Variants in ANKRD10 observed in about 807,000 individuals in gnomAD.
ANKRD10 encodes ankyrin repeat domain-containing protein 10.
ANKRD10 carries 14 observed loss-of-function variants against 27.0 expected under a neutral mutation model. The ratio of observed to expected loss-of-function variants is 0.52; its 90% CI spans 0.34 to 0.81. The LOEUF (loss-of-function observed/expected upper bound fraction) is 0.81, where lower values mean the gene tolerates loss of function less well. ANKRD10 is among the 40% of genes least tolerant of loss of function. ANKRD10 has a pLI of 0.01. For missense variants in ANKRD10, 493 were observed against 544.0 expected, an observed-to-expected ratio of 0.91 and a Z score of 0.93; for synonymous variants, 250 against 224.5, an observed-to-expected ratio of 1.11 and a Z score of -1.01.
chr13:110,892,436 A>AAAAAAAAAAAAAAAAAAC (rs1555321016), intron 4 of ANKRD10, among the ~76,000 whole-genome samples: 1 of 144,470 alleles, frequency 6.9e-6, no homozygotes, highest in East Asian at 2.0e-4. Flanking sequence ...AAAAAAAAAA[A>AAAAAAAAAAAAAAAAAAC]TGGTGGGAGA....
At chr13:110,891,455 A>C (rs2065070386) in intron 4 of ANKRD10, among the ~76,000 whole-genome samples, 1 of 152,238 alleles carries the variant, frequency 6.6e-6, no homozygotes, top group Non-Finnish European at 1.5e-5. Flanking sequence ...TTAACTCATA[A>C]AAATCTTGAA....
intron 1 of ANKRD10, among the ~76,000 whole-genome samples, chr13:110,913,381 TTTG>T: frequency 6.6e-6 from 1 of 152,306 alleles, no homozygotes. Flanking sequence ...ATTACTTTTG[TTTG>T]TTAAGAAACT....
intron 4 of ANKRD10, among the ~76,000 whole-genome samples, chr13:110,885,234 G>A (rs1008838076): frequency 2.6e-5 from 4 of 152,054 alleles, no homozygotes; most frequent in African/African-American, 9.7e-5. Context: ...TGTGTAAGCA[G>A]GGCATCTTTT....
intron 5 of ANKRD10, 56 bp downstream of exon 5, chr13:110,883,642 G>T (rs1351293358): frequency 1.9e-6 from 3 of 1,601,254 alleles, no homozygotes; most frequent in Non-Finnish European, 1.7e-6. Flanking sequence ...CCTGCTGTTT[G>T]GTGTCTTCAA....
At chr13:110,904,339 G>A (rs1001855478) in intron 3 of ANKRD10, 5 of 151,966 alleles carry the variant, frequency 3.3e-5, no homozygotes, top group African/African-American at 1.2e-4. Context: ...GACACTTGAG[G>A]GCCCTGTAAC....
At position 110,914,827 on chromosome 13, in the gene ANKRD10, G is replaced by T; in HGVS notation, c.108C>A (p.Ala36=). 2 of 1,586,084 alleles carry T rather than the reference G, an allele frequency of 1.3e-6. No homozygotes were observed. The highest frequency in any genetic ancestry group is 1.8e-4 in the Middle Eastern group (1 of 5,672). ...LHRACRDGDL[A]TLCSLLQQTP... Reference sequence around the variant, plus strand: ...TCTGCTGCAGCAGCGAGCAGAGCGTGGCCAGGTCCCCGTCGCGGCAGGCGC... The same window carrying T: ...TCTGCTGCAGCAGCGAGCAGAGCGTTGCCAGGTCCCCGTCGCGGCAGGCGC... Residue 36 remains alanine, a synonymous_variant, in exon 1 of 6, where the codon GCC becomes GCA. Coordinates refer to ENST00000267339, the MANE Select transcript of ANKRD10 (RefSeq NM_017664.4).
chr13:110,904,807 A>G (rs1043018674), intron 3 of ANKRD10, among the ~76,000 whole-genome samples: 7 of 152,246 alleles, frequency 4.6e-5, no homozygotes, highest in African/African-American at 1.7e-4. Flanking sequence ...AACAGAGGCC[A>G]TGTTTATAAT....
At chr13:110,895,803 C>T (rs182691751) in intron 3 of ANKRD10, among the ~76,000 whole-genome samples, 34 of 152,202 alleles carry the variant, frequency 2.2e-4, no homozygotes, top group Admixed American at 2.1e-3. Flanking sequence ...CAAAATAGTG[C>T]CAACATATGG....
chr13:110,882,280 G>A (rs1392498155), intron 5 of ANKRD10, among the ~76,000 whole-genome samples: 2 of 152,172 alleles, frequency 1.3e-5, no homozygotes, highest in East Asian at 3.8e-4. Context: ...GTGTTTAAAG[G>A]AGAGCAGCCT....
chr13:110,889,114 C>G (rs936020994), intron 4 of ANKRD10, among the ~76,000 whole-genome samples: 1 of 152,186 alleles, frequency 6.6e-6, no homozygotes, highest in African/African-American at 2.4e-5. Flanking sequence ...AAAACGACCA[C>G]AGTTTCCAAG....
intron 3 of ANKRD10, among the ~76,000 whole-genome samples, chr13:110,898,603 C>T (rs1594597386): frequency 1.3e-5 from 2 of 152,054 alleles, no homozygotes; most frequent in Non-Finnish European, 2.9e-5. Flanking sequence ...GGGTCTCACT[C>T]CCATCACCCA....
chr13:110,910,587 AGCAAAC>A (rs2065668482), intron 2 of ANKRD10, 25 bp downstream of exon 2: 1 of 1,610,104 alleles, frequency 6.2e-7, no homozygotes, highest in African/African-American at 1.3e-5. Flanking sequence ...AAAAAGCAAA[AGCAAAC>A]CAAGTCCATC....
Position 110,879,502 on chromosome 13 carries a change from A to C in ANKRD10, c.*135T>G. 1.4e-6 allele frequency: 1 copy of C among 699,302 alleles called. No individual in the cohort carries two copies. Among genetic ancestry groups the C allele is most frequent in the Non-Finnish European group, 2.4e-6 (1 of 420,956 alleles). The allele number at this position is 699,302 out of a possible 1,614,324, so 43.3% of individuals were successfully genotyped here. ...CAAGCAGTTGCTGGGAACTTGTCGAAGTTTACTTTTTCAGAAAGTTGAAGT... is the reference window on the plus strand; with the variant it reads ...CAAGCAGTTGCTGGGAACTTGTCGACGTTTACTTTTTCAGAAAGTTGAAGT... On this transcript the variant is annotated 3_prime_UTR_variant, in exon 6 of 6. Coordinates refer to ENST00000267339, the MANE Select transcript of ANKRD10 (RefSeq NM_017664.4).
chr13:110,898,754 T>C (rs1475564469), intron 3 of ANKRD10, among the ~76,000 whole-genome samples: 21 of 110,276 alleles, frequency 1.9e-4, no homozygotes, highest in East Asian at 5.7e-4. Flanking sequence ...TCTTTTCTTT[T>C]TTTTTTTTTT....
rs375041612 is a variant in ANKRD10, at chr13:110,914,257, C to T, written c.210+468G>A. On this transcript the variant is annotated intron_variant, in intron 1 of 5. Transcript: ENST00000267339. ...AAGGTCGACCGCGCCCGGGCATTCCCCGCGCGCCTCTGACCCCAGCTCGGC... is the reference window on the plus strand; with the variant it reads ...AAGGTCGACCGCGCCCGGGCATTCCTCGCGCGCCTCTGACCCCAGCTCGGC... 2.2e-4 allele frequency among the ~76,000 whole-genome samples: 34 copies of T among 152,278 alleles called. 1 individual carries two copies. In the East Asian group the frequency reaches 6.4e-3, roughly 29 times the overall value.
intron 3 of ANKRD10, among the ~76,000 whole-genome samples, chr13:110,897,644 G>GA (rs1566472743): frequency 6.6e-6 from 1 of 152,132 alleles, no homozygotes; most frequent in Non-Finnish European, 1.5e-5. Flanking sequence ...TGGGTACTGT[G>GA]AATAGTGCTG....
rs981095618 is a variant in ANKRD10, at chr13:110,911,143, T to G, written c.211-373A>C. 1.3e-4 allele frequency among the ~76,000 whole-genome samples: 20 copies of G among 152,198 alleles called. 1 individual carries two copies. The highest frequency in any genetic ancestry group is 4.8e-4 in the African/African-American group (20 of 41,448). On this transcript the variant is annotated intron_variant, in intron 1 of 5. Coordinates refer to ENST00000267339, the MANE Select transcript of ANKRD10 (RefSeq NM_017664.4). Reference sequence around the variant, plus strand: ...ATTCTAAACAAAAACGTTAAAGGGATTGGTGGGTTAAAAAACTTTGTGTAG... The same window carrying G: ...ATTCTAAACAAAAACGTTAAAGGGAGTGGTGGGTTAAAAAACTTTGTGTAG...
rs114260342 is a variant in ANKRD10, at chr13:110,909,658, T to C, written c.363+960A>G. ...CCTTATAACTTACCCCACTTTCCCA[T>C]TGATCCTTGTTTTAAATCATGGCTA... On this transcript the variant is annotated intron_variant, in intron 2 of 5. Coordinates refer to ENST00000267339, the MANE Select transcript of ANKRD10 (RefSeq NM_017664.4). 4.5e-3 allele frequency among the ~76,000 whole-genome samples: 680 copies of C among 152,302 alleles called. 4 individuals are homozygous for C. The highest frequency in any genetic ancestry group is 0.015 in the African/African-American group (627 of 41,570).
At chr13:110,893,460 T>C (rs1431627600) in intron 3 of ANKRD10, among the ~76,000 whole-genome samples, 197 bp from the exon 4 acceptor site, 2 of 152,226 alleles carry the variant, frequency 1.3e-5, no homozygotes, top group African/African-American at 4.8e-5. Context: ...AAGCAAGATT[T>C]GGGAGATAAA....
Sources: gnomAD v4.1 joint callset for allele counts (sites outside exome capture counted in the v4.1 genomes callset) on GRCh38, gnomAD v4.1.1 for gene constraint, MANE v1.5 for transcripts, NCBI Gene and HGNC (gene_info 2026-07-23, HGNC 2026-07-21) for gene names.